Variants in PRKCH observed in about 807,000 individuals in gnomAD.
PRKCH encodes protein kinase C eta type.
In PRKCH, 28 loss-of-function variants were observed where a neutral mutation model predicts 82.5. That is an observed-to-expected ratio of 0.34 (90% CI 0.25 to 0.47). PRKCH has a LOEUF of 0.47. Ranked by LOEUF, PRKCH falls within the 20% of genes least tolerant of loss-of-function variation. The pLI is 1.00. For synonymous variants in PRKCH, 322 were observed against 327.4 expected (o/e 0.98, Z 0.18); for missense variants, 705 against 881.8 (o/e 0.80, Z 2.54).
At chr14:61,226,075 GC>G in intron 1 of PRKCH, among the ~76,000 whole-genome samples, 1 of 152,256 alleles carries the variant, frequency 6.6e-6, no homozygotes, top group South Asian at 2.1e-4. Context: ...AAATCTGGCA[GC>G]CCCTTCAAGA....
intron 1 of PRKCH, among the ~76,000 whole-genome samples, chr14:61,246,979 A>G (rs976464377): frequency 1.3e-5 from 2 of 152,108 alleles, no homozygotes; most frequent in Non-Finnish European, 2.9e-5. Flanking sequence ...GTTATTTGAG[A>G]AACAGCTCAG....
rs1260610605 is a variant in PRKCH at position 61,203,389 on chromosome 14, G to T, written c.-19+15721G>T. Among the ~76,000 whole-genome samples the T allele has an allele frequency of 3.3e-5, 5 of 152,256 alleles. No homozygotes were observed. The East Asian group carries it at 9.7e-4, about 29-fold the overall frequency. On this transcript the variant is annotated intron_variant, in intron 1 of 3. Transcript: ENST00000555185. ...GCCAAGCCAGAAGCCCCAAAGTGCT[G>T]GGAAAGCCAGCACAGAGAAGCAGAT...
chr14:61,280,260 G>A lies in PRKCH; in HGVS notation c.-19+92592G>A. ...TGAAGATGAGGAGCTTGTGGCCGCC[G>A]AACGCGCGCACCGGGTAGTTGTAGG... On this transcript the variant is annotated intron_variant, in intron 1 of 3. Coordinates refer to the PRKCH transcript ENST00000555185. This position sits in a 1 kb window ranked among gnomAD's most constrained non-coding sequence, Gnocchi z 5.0. 2 of 1,614,056 alleles carry A rather than the reference G, an allele frequency of 1.2e-6. No homozygotes were observed. Among genetic ancestry groups the A allele is most frequent in the Non-Finnish European group, 8.5e-7 (1 of 1,180,000 alleles).
intron 1 of PRKCH, among the ~76,000 whole-genome samples, chr14:61,209,605 C>T (rs1243993568): frequency 6.6e-6 from 1 of 152,042 alleles, no homozygotes; most frequent in Non-Finnish European, 1.5e-5. Context: ...ATAGACTGGA[C>T]CATAGTGATC....
intron 1 of PRKCH, among the ~76,000 whole-genome samples, chr14:61,308,012 T>A (rs1054001612): frequency 5.3e-5 from 8 of 151,978 alleles, no homozygotes; most frequent in Admixed American, 5.2e-4. Context: ...AATTTTTAAT[T>A]TTTTTTTGTA....
intron 1 of PRKCH, among the ~76,000 whole-genome samples, chr14:61,369,971 T>G (rs1382369674): frequency 5.9e-5 from 9 of 152,034 alleles, no homozygotes. Context: ...TATTTTTATT[T>G]CTTTTTGAGA....
intron 2 of PRKCH, among the ~76,000 whole-genome samples, chr14:61,425,311 C>A (rs545570821): frequency 6.6e-6 from 1 of 152,180 alleles, no homozygotes; most frequent in African/African-American, 2.4e-5. Context: ...TGAAAGCAGC[C>A]AGGAGGGGGA....
At chr14:61,520,081 A>C (rs1341825751) in intron 10 of PRKCH, among the ~76,000 whole-genome samples, 1 of 151,918 alleles carries the variant, frequency 6.6e-6, no homozygotes, top group Non-Finnish European at 1.5e-5. Flanking sequence ...AACCAAAAAA[A>C]AAAAAAAAAG....
chr14:61,239,655 A>C (rs1278758129), intron 1 of PRKCH, among the ~76,000 whole-genome samples: 1 of 152,226 alleles, frequency 6.6e-6, no homozygotes, highest in Admixed American at 6.5e-5. Context: ...TCTGGGGAGA[A>C]TCTTTCAGAT....
chr14:61,430,507 A>G (rs1883332471), intron 2 of PRKCH, among the ~76,000 whole-genome samples: 1 of 152,200 alleles, frequency 6.6e-6, no homozygotes, highest in Non-Finnish European at 1.5e-5. Flanking sequence ...GATGCCAGCC[A>G]TGGTATGATT....
At chr14:61,462,883 T>C (rs1885091262) in intron 9 of PRKCH, among the ~76,000 whole-genome samples, 1 of 152,230 alleles carries the variant, frequency 6.6e-6, no homozygotes, top group Non-Finnish European at 1.5e-5. Flanking sequence ...GGGCAGTAAC[T>C]AGCCGAGGAT....
chr14:61,378,160 G>A (rs925579519), intron 1 of PRKCH, among the ~76,000 whole-genome samples: 1 of 151,234 alleles, frequency 6.6e-6, no homozygotes, highest in African/African-American at 2.4e-5. Flanking sequence ...CACTTCCCAG[G>A]TAAAGCTTCG....
intron 1 of PRKCH, among the ~76,000 whole-genome samples, chr14:61,331,794 T>C (rs2045792592): frequency 6.6e-6 from 1 of 152,222 alleles, no homozygotes; most frequent in South Asian, 2.1e-4. Flanking sequence ...GTAATTGGTT[T>C]GGTTTAAACT....
chr14:61,202,012 A>AACCAT (rs1415463459), intron 1 of PRKCH, among the ~76,000 whole-genome samples: 1 of 152,188 alleles, frequency 6.6e-6, no homozygotes, highest in African/African-American at 2.4e-5. Flanking sequence ...TTATAATAAG[A>AACCAT]ACCATGCCCA....
intron 9 of PRKCH, among the ~76,000 whole-genome samples, chr14:61,459,232 A>AAGG (rs1403231858): frequency 6.6e-6 from 1 of 152,184 alleles, no homozygotes; most frequent in Non-Finnish European, 1.5e-5. Context: ...TGCCACCATC[A>AAGG]AGGAAGTAGG....
chr14:61,188,090 G>A (rs1018675366), intron 1 of PRKCH, among the ~76,000 whole-genome samples: 1 of 152,236 alleles, frequency 6.6e-6, no homozygotes, highest in African/African-American at 2.4e-5. Context: ...GGAGGATTAG[G>A]TGAGATAACG....
chr14:61,351,987 C>G (rs183811538), intron 1 of PRKCH, among the ~76,000 whole-genome samples: 1 of 152,288 alleles, frequency 6.6e-6, no homozygotes, highest in East Asian at 1.9e-4. Context: ...AAGTTGCTTT[C>G]ACGTTTTTCA....
rs148337720 is a variant in PRKCH, at chr14:61,468,063, T to C, written c.1278+10384T>C. ...AAATAGAAGTTTTGAGTCTCTAATA[T>C]GTACAACTGAGAATACTGTCATTAG... On this transcript the variant is annotated intron_variant, in intron 9 of 13. Transcript: ENST00000332981. Among the ~76,000 whole-genome samples, 42 of 152,344 alleles carry C rather than the reference T, an allele frequency of 2.8e-4. No individual in the cohort carries two copies. The East Asian group carries it at 7.5e-3, about 27-fold the overall frequency.
At chr14:61,411,085 G>C (rs545749061) in intron 2 of PRKCH, among the ~76,000 whole-genome samples, 7 of 152,322 alleles carry the variant, frequency 4.6e-5, no homozygotes, top group South Asian at 2.1e-4. Context: ...TCAGAGCTCA[G>C]CAAGGATTGA....
Sources: allele counts gnomAD v4.1 joint callset (sites outside exome capture counted in the v4.1 genomes callset), GRCh38; gene constraint gnomAD v4.1.1; non-coding constraint Gnocchi (gnomAD v3.1); transcripts MANE v1.5; gene names NCBI Gene and HGNC (gene_info 2026-07-23, HGNC 2026-07-21).